Variants in PIK3R1 observed in about 807,000 individuals in gnomAD.
PIK3R1 encodes the protein phosphoinositide-3-kinase regulatory subunit 1.
A neutral mutation model predicts 98.0 loss-of-function variants in PIK3R1; 29 were observed. The ratio of observed to expected loss-of-function variants is 0.30; its 90% CI spans 0.22 to 0.40. The LOEUF is 0.40. PIK3R1 is among the 10% of genes least tolerant of loss of function. PIK3R1 has a pLI of 1.00. For missense variants in PIK3R1, 596 were observed against 872.7 expected (o/e 0.68, Z 3.99); for synonymous variants, 282 against 311.8 (o/e 0.90, Z 1.01).
chr5:68,289,427 T>C (rs1747256762), intron 7 of PIK3R1, among the ~76,000 whole-genome samples: 1 of 151,984 alleles, frequency 6.6e-6, no homozygotes, highest in South Asian at 2.1e-4. Context: ...TATTTTATGA[T>C]CCCAAATTTT....
At chr5:68,270,419 C>T (rs1220113094) in intron 2 of PIK3R1, among the ~76,000 whole-genome samples, 1 of 152,010 alleles carries the variant, frequency 6.6e-6, no homozygotes, top group Non-Finnish European at 1.5e-5. Context: ...CTTTAATTAT[C>T]ATTTAATTTG....
At chr5:68,254,845 T>C (rs895025964) in intron 2 of PIK3R1, among the ~76,000 whole-genome samples, 2 of 152,090 alleles carry the variant, frequency 1.3e-5, no homozygotes, top group Non-Finnish European at 2.9e-5. Flanking sequence ...TCTTTTTTTT[T>C]TTTATGATGC....
In PIK3R1 at chr5:68,295,494, TAGTTACTAA is replaced by T; in HGVS notation, c.1814+9_1814+17del. On this transcript the variant is annotated splice_region_variant and intron_variant, in intron 14 of 15. Transcript: ENST00000521381. ...GGCAATGAAAACACTGAAGAGTAAG[TAGTTACTAA>T]AGATGGTGATAGCAGAAGATTTTTC... The T allele has an allele frequency of 6.2e-7, 1 of 1,611,678 alleles. No homozygotes were observed. Among genetic ancestry groups the T allele is most frequent in the Non-Finnish European group, 8.5e-7 (1 of 1,177,844 alleles).
At chr5:68,262,398 A>ATATG (rs1178984317) in intron 2 of PIK3R1, among the ~76,000 whole-genome samples, 2 of 125,808 alleles carry the variant, frequency 1.6e-5, no homozygotes, top group Non-Finnish European at 3.2e-5. Context: ...ATATATATAT[A>ATATG]TATATACACA....
In PIK3R1 at chr5:68,226,427, A is replaced by G. The variant is rs189826798; in HGVS notation, c.-249A>G. On this transcript the variant is annotated 5_prime_UTR_variant, in exon 2 of 16. Coordinates refer to ENST00000521381, the MANE Select transcript of PIK3R1 (RefSeq NM_181523.3). Reference sequence around the variant, plus strand: ...TTGACAAGTTGCTGAAAAGGAAGCCAGTGAGAGGACTGTGGCACGCAGAGG... The same window carrying G: ...TTGACAAGTTGCTGAAAAGGAAGCCGGTGAGAGGACTGTGGCACGCAGAGG... 8.1e-6 allele frequency: 4 copies of G among 493,940 alleles called. No individual in the cohort carries two copies. Among genetic ancestry groups the G allele is most frequent in the Non-Finnish European group, 1.4e-5 (4 of 280,576 alleles). 30.6% of individuals were successfully genotyped at this position (493,940 alleles called of 1,614,324 possible).
In PIK3R1 at chr5:68,262,900, TATACATGTAGATACATGTAG is replaced by T. The variant is rs368082651; in HGVS notation, c.335-10480_335-10461del. Among the ~76,000 whole-genome samples, 6 of 79,092 alleles carry T rather than the reference TATACATGTAGATACATGTAG, an allele frequency of 7.6e-5. 1 individual carries two copies. The highest frequency in any genetic ancestry group is 1.3e-4 in the Non-Finnish European group (5 of 38,212). The allele number at this position is 79,092 out of a possible 152,430, so 51.9% of individuals were successfully genotyped here. On this transcript the variant is annotated intron_variant, in intron 2 of 15. Transcript: ENST00000521381. ...ATACATGTAGATACATGTATACATA[TATACATGTAGATACATGTAG>T]ATACATGTATACATATATACATGTA...
intron 2 of PIK3R1, among the ~76,000 whole-genome samples, chr5:68,248,793 C>CA (rs553675537): frequency 2.6e-5 from 4 of 151,288 alleles, no homozygotes; most frequent in East Asian, 1.9e-4. Context: ...TATATGTGTG[C>CA]AAAAAAAATG....
At chr5:68,256,111 C>G (rs1745504981) in intron 2 of PIK3R1, among the ~76,000 whole-genome samples, 2 of 152,242 alleles carry the variant, frequency 1.3e-5, no homozygotes, top group African/African-American at 2.4e-5. Flanking sequence ...TTTTTCTGTT[C>G]TTTAATGAAA....
chr5:68,261,400 A>C (rs1745740552), intron 2 of PIK3R1, among the ~76,000 whole-genome samples: 1 of 152,186 alleles, frequency 6.6e-6, no homozygotes. Flanking sequence ...ATATGGCCTC[A>C]TCTATTGTCT....
In PIK3R1 at chr5:68,294,959, A is replaced by G. The variant is rs192115637; in HGVS notation, c.1569-189A>G. Among the ~76,000 whole-genome samples the G allele has an allele frequency of 5.2e-3, 728 of 140,458 alleles. 7 individuals carry two copies. The highest frequency in any genetic ancestry group is 0.02 in the African/African-American group (689 of 34,772). The allele number at this position is 140,458 out of a possible 152,430, so 92.1% of individuals were successfully genotyped here. A position where few individuals can be genotyped will look rare whatever the true frequency, so the allele number is the denominator to read the frequency against. ...CATGTACCCTAAAACTTAAAGTATA[A>G]TAAAAATAAAAAAATAAAATAAAAT... On this transcript the variant is annotated intron_variant, in intron 12 of 15. Coordinates refer to ENST00000521381, the MANE Select transcript of PIK3R1 (RefSeq NM_181523.3).
At chr5:68,226,195 C>T (rs1291003639) in intron 1 of PIK3R1, 95 bp from the exon 2 acceptor site, 2 of 373,170 alleles carry the variant, frequency 5.4e-6, no homozygotes, top group African/African-American at 4.2e-5. Context: ...TCTGCCAAAT[C>T]GATTAAGTAC....
chr5:68,269,643 G>A (rs1012573348), intron 2 of PIK3R1, among the ~76,000 whole-genome samples: 1 of 152,088 alleles, frequency 6.6e-6, no homozygotes, highest in African/African-American at 2.4e-5. Context: ...TTGACCTTGT[G>A]TATTTAGTAA....
chr5:68,262,594 T>G (rs1272544348), intron 2 of PIK3R1, among the ~76,000 whole-genome samples: 1 of 134,942 alleles, frequency 7.4e-6, no homozygotes, highest in Non-Finnish European at 1.6e-5. Flanking sequence ...CACATGTATC[T>G]GCATGTATAC....
intron 2 of PIK3R1, 91 bp from the exon 3 acceptor site, chr5:68,273,299 T>C (rs1746437875): frequency 8.4e-7 from 1 of 1,194,008 alleles, no homozygotes; most frequent in Admixed American, 1.7e-5. Context: ...TCGGGCCTGA[T>C]GTAATTAAAT....
At chr5:68,236,425 AT>A (rs199820571) in intron 2 of PIK3R1, among the ~76,000 whole-genome samples, 14,418 of 150,552 alleles carry the variant, frequency 0.096, 876 homozygotes, top group Non-Finnish European at 0.14. Flanking sequence ...AATTTTTTGT[AT>A]TTTTTGTAGA....
In PIK3R1 at chr5:68,227,018, T is replaced by C. The variant is rs376498902; in HGVS notation, c.334+9T>C. Reference sequence around the variant, plus strand: ...AGATGTTGAACAACAAGGTCAGTATTGATAAGTGGTTGCTTAATGACTCCC... The same window carrying C: ...AGATGTTGAACAACAAGGTCAGTATCGATAAGTGGTTGCTTAATGACTCCC... On this transcript the variant is annotated intron_variant, in intron 2 of 15. Coordinates refer to ENST00000521381, the MANE Select transcript of PIK3R1 (RefSeq NM_181523.3). 3 of 1,585,416 alleles carry C rather than the reference T, an allele frequency of 1.9e-6. No individual in the cohort carries two copies. Among genetic ancestry groups the C allele is most frequent in the African/African-American group, 1.4e-5 (1 of 73,176 alleles).
chr5:68,293,687 G>C lies in PIK3R1; in HGVS notation c.1300-22G>C, dbSNP rs1747521802. The C allele has an allele frequency of 8.7e-6, 12 of 1,377,674 alleles. No individual in the cohort carries two copies. In the East Asian group the frequency reaches 2.8e-4, roughly 32 times the overall value. The allele number at this position is 1,377,674 out of a possible 1,614,324, so 85.3% of individuals were successfully genotyped here. On this transcript the variant is annotated intron_variant, in intron 10 of 15. Coordinates refer to ENST00000521381, the MANE Select transcript of PIK3R1 (RefSeq NM_181523.3). ...TATTTGATTAAATACCTTATCCATT[G>C]AATTTATTTTAATCTTTCTAGGATC...
chr5:68,280,333 T>C lies in PIK3R1; in HGVS notation c.635-195T>C, dbSNP rs1002272143. 3.6e-5 allele frequency: 21 copies of C among 590,542 alleles called. No homozygotes were observed. The African/African-American group carries it at 3.9e-4, about 11-fold the overall frequency. 36.6% of individuals were successfully genotyped at this position (590,542 alleles called of 1,614,324 possible). A position where few individuals can be genotyped will look rare whatever the true frequency, so the allele number is the denominator to read the frequency against. On this transcript the variant is annotated intron_variant, in intron 5 of 15. Transcript: ENST00000521381. ...CACACTGAGCTTTTTGCATTTCCAT[T>C]TGACCTGAGATTTCTACTTTCTCAT...
At chr5:68,222,740 T>G (rs1461996131) in intron 1 of PIK3R1, among the ~76,000 whole-genome samples, 1 of 151,888 alleles carries the variant, frequency 6.6e-6, no homozygotes, top group East Asian at 1.9e-4. Flanking sequence ...TCTGAGAGAG[T>G]TAAAGAGGCA....
Sources: allele counts gnomAD v4.1 joint callset (sites outside exome capture counted in the v4.1 genomes callset), GRCh38; gene constraint gnomAD v4.1.1; transcripts MANE v1.5; gene names NCBI Gene and HGNC (gene_info 2026-07-23, HGNC 2026-07-21).